The following MYO5A variants were observed in gnomAD, a reference collection of about 807,000 sequenced individuals.
MYO5A encodes myosin VA, also known as unconventional myosin-Va.
Under a neutral mutation model 249.7 loss-of-function variants are expected in MYO5A, and 98 were observed. The ratio of observed to expected loss-of-function variants is 0.39; its 90% confidence interval spans 0.33 to 0.46. MYO5A has a LOEUF of 0.46. Among genes scored for constraint, MYO5A ranks in the 20% least tolerant of loss-of-function variants. MYO5A has a pLI of 0.98. For missense variants in MYO5A, 1,696 were observed against 2,308.8 expected, an observed-to-expected ratio of 0.73 and a Z score of 5.44; for synonymous variants, 778 against 810.6, an observed-to-expected ratio of 0.96 and a Z score of 0.68.
At chr15:52,430,439 T>C (rs903445729) in intron 2 of MYO5A, among the ~76,000 whole-genome samples, 1 of 152,204 alleles carries the variant, frequency 6.6e-6, no homozygotes, top group African/African-American at 2.4e-5. Context: ...TTCTTGGAGT[T>C]AGGCTTTAAA....
chr15:52,381,933 A>C (rs4776042), intron 16 of MYO5A, among the ~76,000 whole-genome samples: 1 of 152,258 alleles, frequency 6.6e-6, no homozygotes, highest in East Asian at 1.9e-4. Context: ...ACGAAGTCTC[A>C]CTCTTGTCCC....
At chr15:52,478,946 A>G (rs1486340565) in intron 1 of MYO5A, among the ~76,000 whole-genome samples, 1 of 152,032 alleles carries the variant, frequency 6.6e-6, no homozygotes, top group Non-Finnish European at 1.5e-5. Context: ...ATTTCTCTCA[A>G]CTGTGAACAG....
intron 8 of MYO5A, 46 bp from the exon 9 acceptor site, chr15:52,405,439 A>C: frequency 7.2e-7 from 1 of 1,392,838 alleles, no homozygotes; most frequent in Non-Finnish European, 1.0e-6. Context: ...TCAGAATAGA[A>C]ACTAAACAAT....
chr15:52,380,059 G>A, intron 16 of MYO5A, 151 bp from the exon 17 acceptor site: 1 of 773,824 alleles, frequency 1.3e-6, no homozygotes, highest in Non-Finnish European at 2.2e-6. Flanking sequence ...TGATCAAAAT[G>A]GAAAACTATG....
At chr15:52,448,957 C>CTTTTTTTTTTTTTTTTTTTTTTTTTTTTT (rs145765339) in intron 1 of MYO5A, among the ~76,000 whole-genome samples, 1 of 55,594 alleles carries the variant, frequency 1.8e-5, no homozygotes, top group African/African-American at 8.5e-5. Context: ...TCTTGTCTTT[C>CTTTTTTTTTTTTTTTTTTTTTTTTTTTTT]TTTTTTTTTT....
chr15:52,317,399 T>TAA (rs2038074914), intron 39 of MYO5A, among the ~76,000 whole-genome samples, 177 bp from the exon 40 acceptor site: 1 of 152,234 alleles, frequency 6.6e-6, no homozygotes, highest in Non-Finnish European at 1.5e-5. Flanking sequence ...ATGAGGATTA[T>TAA]AATCACCATT....
intron 1 of MYO5A, among the ~76,000 whole-genome samples, chr15:52,458,832 A>T (rs1224000834): frequency 1.3e-5 from 2 of 152,136 alleles, no homozygotes; most frequent in Admixed American, 1.3e-4. Flanking sequence ...TTCAAAAGGT[A>T]CCATTTTCAA....
At chr15:52,396,157 C>T (rs1368543157) in intron 11 of MYO5A, among the ~76,000 whole-genome samples, 159 bp downstream of exon 11, 1 of 152,192 alleles carries the variant, frequency 6.6e-6, no homozygotes, top group Non-Finnish European at 1.5e-5. Context: ...GCCCATAAAA[C>T]ATTTTTCTAA....
chr15:52,390,310 C>G (rs1043545349), intron 12 of MYO5A, among the ~76,000 whole-genome samples: 3 of 152,060 alleles, frequency 2.0e-5, no homozygotes, highest in African/African-American at 7.2e-5. Context: ...GGGATGGATA[C>G]CCAATTTTCC....
intron 1 of MYO5A, among the ~76,000 whole-genome samples, chr15:52,521,307 C>A (rs188968188): frequency 1.3e-5 from 2 of 151,910 alleles, no homozygotes; most frequent in Admixed American, 6.5e-5. Flanking sequence ...CACCTTTAAT[C>A]TGTCTAGCCT....
At chr15:52,392,672 C>T (rs1195881925) in intron 11 of MYO5A, among the ~76,000 whole-genome samples, 2 of 152,202 alleles carry the variant, frequency 1.3e-5, no homozygotes, top group African/African-American at 2.4e-5. Flanking sequence ...TTGCTATTTC[C>T]GATGAAGCCT....
In MYO5A at chr15:52,372,312, G is replaced by T; in HGVS notation, c.2629C>A (p.Leu877Met). The T allele has an allele frequency of 6.2e-7, 1 of 1,607,528 alleles. No homozygotes were observed. The highest frequency in any genetic ancestry group is 1.1e-5 in the South Asian group (1 of 91,038). The change falls in exon 21 of 42, where the codon CTG becomes ATG. Residue 877 changes from leucine to methionine, a missense_variant. Leu to Met is a conservative substitution (Grantham distance 15). Coordinates refer to ENST00000399233, the MANE Select transcript of MYO5A (RefSeq NM_001382347.1). The part of the protein sequence containing the change: ...VIIQKRVRGW[L>M]ARTHYKRSMH... ...CTCCTCTTGTAGTGTGTGCGGGCCAGCCAGCCCCGGACTCGCTTCTGAATG... is the reference window on the plus strand; with the variant it reads ...CTCCTCTTGTAGTGTGTGCGGGCCATCCAGCCCCGGACTCGCTTCTGAATG...
chr15:52,349,242 A>G (rs2039818933), intron 28 of MYO5A, among the ~76,000 whole-genome samples: 1 of 152,190 alleles, frequency 6.6e-6, no homozygotes, highest in South Asian at 2.1e-4. Context: ...CTAGAGGTGG[A>G]GCCAATACAC....
chr15:52,335,491 C>T (rs1047290549), intron 34 of MYO5A, among the ~76,000 whole-genome samples: 1 of 124,840 alleles, frequency 8.0e-6, no homozygotes, highest in Non-Finnish European at 1.6e-5. Flanking sequence ...ACTCCAGCCT[C>T]AGCGACAGAG....
chr15:52,451,174 C>T (rs138123332), intron 1 of MYO5A, among the ~76,000 whole-genome samples: 1 of 152,096 alleles, frequency 6.6e-6, no homozygotes, highest in Non-Finnish European at 1.5e-5. Context: ...GCAGCATTCC[C>T]ATCTCAGACA....
intron 38 of MYO5A, among the ~76,000 whole-genome samples, chr15:52,320,308 T>G (rs2038237969): frequency 6.6e-6 from 1 of 152,244 alleles, no homozygotes; most frequent in South Asian, 2.1e-4. Flanking sequence ...TCTTGCTATT[T>G]AATTGTGCTA....
chr15:52,495,192 C>T (rs760391632), intron 1 of MYO5A, among the ~76,000 whole-genome samples: 5 of 152,110 alleles, frequency 3.3e-5, no homozygotes, highest in Admixed American at 1.3e-4. Flanking sequence ...ATGTACTATA[C>T]ATATACACAA....
chr15:52,357,392 T>G (rs1306233555), intron 25 of MYO5A, among the ~76,000 whole-genome samples: 3 of 151,962 alleles, frequency 2.0e-5, no homozygotes, highest in East Asian at 3.9e-4. Context: ...GAATGGGCAC[T>G]TTTTGTTTAA....
chr15:52,370,119 C>T (rs1425270705), intron 22 of MYO5A, 50 bp downstream of exon 22: 7 of 1,610,552 alleles, frequency 4.3e-6, no homozygotes, highest in Non-Finnish European at 5.9e-6. Flanking sequence ...ATGATGACAG[C>T]ACCTCTCTTT....
Sources: gnomAD v4.1 joint callset for allele counts (sites outside exome capture counted in the v4.1 genomes callset) on GRCh38, gnomAD v4.1.1 for gene constraint, MANE v1.5 for transcripts, NCBI Gene and HGNC (gene_info 2026-07-23, HGNC 2026-07-21) for gene names.